Variants in ZCCHC14 observed in about 807,000 individuals in gnomAD.
ZCCHC14 encodes zinc finger CCHC domain-containing protein 14.
Under a neutral mutation model 85.0 loss-of-function variants are expected in ZCCHC14, and 16 were observed. That is an observed-to-expected ratio of 0.19 (90% CI 0.13 to 0.29). The LOEUF (loss-of-function observed/expected upper bound fraction) is 0.29, where lower values mean the gene tolerates loss of function less well. ZCCHC14 is among the 10% of genes least tolerant of loss of function. The pLI is 1.00. For synonymous variants in ZCCHC14, 775 were observed against 630.7 expected (o/e 1.23, Z -3.43); for missense variants, 1,303 against 1,443.5 (o/e 0.90, Z 1.58).
intron 12 of ZCCHC14, among the ~76,000 whole-genome samples, chr16:87,411,177 C>T (rs1908414923): frequency 6.6e-6 from 1 of 152,228 alleles, no homozygotes; most frequent in Non-Finnish European, 1.5e-5. Flanking sequence ...GCGCCACAGC[C>T]TGAGGGCCCC....
intron 1 of ZCCHC14, among the ~76,000 whole-genome samples, chr16:87,482,224 G>A (rs1437909847): frequency 6.6e-6 from 1 of 152,234 alleles, no homozygotes; most frequent in Non-Finnish European, 1.5e-5. Flanking sequence ...ACTGGGAGCT[G>A]GAGGTCTGGT....
intron 1 of ZCCHC14, chr16:87,473,250 T>C (rs1471078685): frequency 6.6e-6 from 1 of 152,052 alleles, no homozygotes; most frequent in Non-Finnish European, 1.5e-5. Flanking sequence ...TTCCCCAGGC[T>C]GGAGTGCAAC....
rs762822952 is a variant in ZCCHC14 at position 87,417,642 on chromosome 16, G to A, written c.1201C>T (p.His401Tyr). The change falls in exon 8 of 13, where the codon CAT becomes TAT. Residue 401 changes from histidine to tyrosine, a missense_variant. Physicochemically the swap from His to Tyr is moderately conservative, Grantham distance 83. This residue lies in a region of ZCCHC14 where 389 missense variants were observed against 397.8 expected (regional missense o/e 0.98). Transcript: ENST00000671377. ...GSAAPLPHCS[H>Y]AGSAGSALAY... ...AGGGCTGAGCCCGCGCTGCCCGCAT[G>A]GGAGCAGTGAGGCAAGGGGGCGGCG... The A allele has an allele frequency of 3.1e-6, 5 of 1,613,886 alleles. No homozygotes were observed. In the Admixed American group the frequency reaches 5.0e-5, roughly 16 times the overall value.
At chr16:87,486,388 C>T (rs1912512999) in intron 1 of ZCCHC14, among the ~76,000 whole-genome samples, 1 of 152,210 alleles carries the variant, frequency 6.6e-6, no homozygotes, top group Non-Finnish European at 1.5e-5. Flanking sequence ...TTACAACTGC[C>T]TATGGTATTC....
At position 87,408,125 on chromosome 16, in the gene ZCCHC14, G is replaced by A. The variant is rs1908282885; in HGVS notation, c.*2155C>T. ...CAAGTTGAAAAGTTTCTGTTTTAAT[G>A]TTTTGCTGGATTTAAGGTTAACCTC... On this transcript the variant is annotated 3_prime_UTR_variant, in exon 13 of 13. Transcript: ENST00000671377. 6.6e-6 allele frequency: 1 copy of A among 152,610 alleles called. No individual in the cohort carries two copies. The allele number at this position is 152,610 out of a possible 1,614,324, so 9.5% of individuals were successfully genotyped here. A position where few individuals can be genotyped will look rare whatever the true frequency, so the allele number is the denominator to read the frequency against.
At position 87,433,138 on chromosome 16, in the gene ZCCHC14, C is replaced by T; in HGVS notation, c.758G>A (p.Cys253Tyr). Residue 253 changes from cysteine to tyrosine, a missense_variant, in exon 3 of 13, where the codon TGT becomes TAT. Physicochemically the swap from Cys to Tyr is radical, Grantham distance 194. Around this residue, in one of 7 missense-constraint regions of ZCCHC14, gnomAD observed 389 missense variants for 397.8 expected, o/e 0.98. Transcript: ENST00000671377. ...SHTKNDRNVE[C>Y]SFEVLWSDSS... ...AACTTAGCATCTTACCTCAAAGGAA[C>T]ATTCAACATTTCTGTCATTTTTTGT... The T allele has an allele frequency of 6.2e-7, 1 of 1,614,204 alleles. No homozygotes were observed. The highest frequency in any genetic ancestry group is 8.5e-7 in the Non-Finnish European group (1 of 1,180,000).
At chr16:87,485,730 C>T (rs1912487941) in intron 1 of ZCCHC14, among the ~76,000 whole-genome samples, 1 of 152,078 alleles carries the variant, frequency 6.6e-6, no homozygotes, top group Admixed American at 6.6e-5. Context: ...AACAAAGATG[C>T]CCCAGCGCGA....
chr16:87,456,533 CAAAAAAAAAAAAAAAAAAA>C (rs60817141), intron 2 of ZCCHC14, among the ~76,000 whole-genome samples: 4 of 63,374 alleles, frequency 6.3e-5, no homozygotes, highest in Non-Finnish European at 1.2e-4. Flanking sequence ...ACTCTGTCTC[CAAAAAAAAAAAAAAAAAAA>C]AAAAAAAAAA....
At chr16:87,411,060 A>G (rs553314979) in intron 12 of ZCCHC14, among the ~76,000 whole-genome samples, 302 of 152,384 alleles carry the variant, frequency 2.0e-3, no homozygotes, top group Admixed American at 0.017. Context: ...AGGGAACGGA[A>G]GATGCAGCAT....
At chr16:87,453,776 C>A (rs1213815569) in intron 2 of ZCCHC14, among the ~76,000 whole-genome samples, 1 of 152,194 alleles carries the variant, frequency 6.6e-6, no homozygotes, top group Non-Finnish European at 1.5e-5. Flanking sequence ...ATTAGACATT[C>A]ATAAAAATAG....
At chr16:87,466,833 G>C (rs1290820136) in intron 1 of ZCCHC14, among the ~76,000 whole-genome samples, 1 of 152,122 alleles carries the variant, frequency 6.6e-6, no homozygotes. Context: ...AGTTGTGATG[G>C]CTTCCACTCT....
In ZCCHC14 at chr16:87,411,828, T is replaced by G. The variant is rs767123247; in HGVS notation, c.2893A>C (p.Ser965Arg). ...ACGTAGCCGCTGCTGCACATGGGAC[T>G]GAAGGGCAAGAAGGGGAAGGTGAAC... ...SVFTFPFLPF[S>R]PMCSSGYVSA... The change falls in exon 12 of 13, where the codon AGT (serine) becomes CGT (arginine). Residue 965 changes from serine to arginine, a missense_variant. Physicochemically the swap from Ser to Arg is moderately radical, Grantham distance 110. Coordinates refer to ENST00000671377, the MANE Select transcript of ZCCHC14 (RefSeq NM_015144.3). 6.2e-7 allele frequency: 1 copy of G among 1,611,148 alleles called. No homozygotes were observed. The highest frequency in any genetic ancestry group is 8.5e-7 in the Non-Finnish European group (1 of 1,178,918).
rs1030759551 is a variant in ZCCHC14, at chr16:87,409,509, G to C, written c.*771C>G. Reference sequence around the variant, plus strand: ...GACGACTATGGATTCTCTGGGACTTGGACCCTTAGAAATTAAGTTGTTGCG... The same window carrying C: ...GACGACTATGGATTCTCTGGGACTTCGACCCTTAGAAATTAAGTTGTTGCG... On this transcript the variant is annotated 3_prime_UTR_variant, in exon 13 of 13. Coordinates refer to ENST00000671377, the MANE Select transcript of ZCCHC14 (RefSeq NM_015144.3). 6.6e-6 allele frequency: 1 copy of C among 152,220 alleles called. No homozygotes were observed. The highest frequency in any genetic ancestry group is 2.4e-5 in the African/African-American group (1 of 41,430). 9.4% of individuals were successfully genotyped at this position (152,220 alleles called of 1,614,324 possible).
intron 2 of ZCCHC14, among the ~76,000 whole-genome samples, chr16:87,444,038 G>GAAAAAAAAAAAAAA (rs56352252): frequency 1.1e-3 from 84 of 76,840 alleles, no homozygotes; most frequent in Non-Finnish European, 1.3e-3. Context: ...CTCTATCACA[G>GAAAAAAAAAAAAAA]AAAAAAAAAA....
rs544357213 is a variant in ZCCHC14, at chr16:87,464,034, T to G, written c.571-3903A>C. 8.5e-4 allele frequency among the ~76,000 whole-genome samples: 129 copies of G among 152,290 alleles called. No individual in the cohort carries two copies. The South Asian group carries it at 0.026, about 31-fold the overall frequency. ...GCATCAGCAGTTCCAACTTTGCTGG[T>G]AGTGGCAAACCTTCCTGCCCCAAAA... is the stretch of plus-strand genomic sequence containing the variant. On this transcript the variant is annotated intron_variant, in intron 1 of 12. Coordinates refer to ENST00000671377, the MANE Select transcript of ZCCHC14 (RefSeq NM_015144.3).
rs372170173 is a variant in ZCCHC14 at position 87,412,553 on chromosome 16, G to A, written c.2168C>T (p.Pro723Leu). The A allele has an allele frequency of 6.2e-7, 1 of 1,614,112 alleles. No homozygotes were observed. Among genetic ancestry groups the A allele is most frequent in the African/African-American group, 1.3e-5 (1 of 75,052 alleles). Residue 723 changes from proline to leucine, a missense_variant, in exon 12 of 13, where the codon CCC becomes CTC. Pro to Leu is a moderately conservative substitution (Grantham distance 98, BLOSUM62 -3). Coordinates refer to ENST00000671377, the MANE Select transcript of ZCCHC14 (RefSeq NM_015144.3). Reference protein sequence around the residue: ...SGLSESSSMSPTVSFGPRTKV... With the variant: ...SGLSESSSMSLTVSFGPRTKV... Reference sequence around the variant, plus strand: ...GGTCCGGGGACCAAAGGAGACTGTGGGTGACATGGAGCTGCTCTCCGAAAG... The same window carrying A: ...GGTCCGGGGACCAAAGGAGACTGTGAGTGACATGGAGCTGCTCTCCGAAAG...
chr16:87,480,415 T>C (rs931795905), intron 1 of ZCCHC14, among the ~76,000 whole-genome samples: 1 of 151,694 alleles, frequency 6.6e-6, no homozygotes, highest in African/African-American at 2.4e-5. Context: ...AAAAAATAAA[T>C]AAATAAAAAT....
Position 87,460,117 on chromosome 16 carries a change from A to G in ZCCHC14, c.585T>C (p.Thr195=). ...CPACHKITPR[T]EAPVSSVSNS... is the part of the protein sequence containing the mutation. ...TACTGACACTGCTGACAGGGGCCTCAGTTCTTGGAGTGATCTGAGGGAACA... is the reference window on the plus strand; with the variant it reads ...TACTGACACTGCTGACAGGGGCCTCGGTTCTTGGAGTGATCTGAGGGAACA... Residue 195 remains threonine, a synonymous_variant, in exon 2 of 13, where the codon ACT becomes ACC. Transcript: ENST00000671377. 6.2e-7 allele frequency: 1 copy of G among 1,614,182 alleles called. No homozygotes were observed. Among genetic ancestry groups the G allele is most frequent in the Non-Finnish European group, 8.5e-7 (1 of 1,180,008 alleles).
chr16:87,478,994 GGGT>G (rs1190037193), intron 1 of ZCCHC14, among the ~76,000 whole-genome samples: 1 of 152,150 alleles, frequency 6.6e-6, no homozygotes, highest in Non-Finnish European at 1.5e-5. Flanking sequence ...GTAGGGGTGA[GGGT>G]TGTTCCTCTT....
Sources: gnomAD v4.1 joint callset for allele counts (sites outside exome capture counted in the v4.1 genomes callset) on GRCh38, gnomAD v4.1.1 for gene constraint, gnomAD v4.1.1 regional missense constraint, MANE v1.5 for transcripts, NCBI Gene and HGNC (gene_info 2026-07-23, HGNC 2026-07-21) for gene names.